SH3RF3: variants seen among roughly 807,000 people sequenced by gnomAD.
SH3RF3 encodes SH3 domain containing ring finger 3.
SH3RF3 carries 29 observed loss-of-function variants against 66.3 expected under a neutral mutation model. The ratio of observed to expected loss-of-function variants is 0.44; its 90% confidence interval spans 0.33 to 0.60. SH3RF3 has a LOEUF of 0.60. Ranked by LOEUF, SH3RF3 falls within the 20% of genes least tolerant of loss-of-function variation. The pLI is 0.04. For synonymous variants in SH3RF3, 583 were observed against 532.0 expected, an observed-to-expected ratio of 1.10 and a Z score of -1.32; for missense variants, 1,194 against 1,190.9, an observed-to-expected ratio of 1.00 and a Z score of -0.04.
At chr2:109,496,557 A>G (rs1238224732) in intron 9 of SH3RF3, among the ~76,000 whole-genome samples, 2 of 152,238 alleles carry the variant, frequency 1.3e-5, no homozygotes, top group African/African-American at 4.8e-5. Flanking sequence ...CACCTGCAGC[A>G]CGGCCTGGCC....
intron 3 of SH3RF3, among the ~76,000 whole-genome samples, chr2:109,376,996 C>T (rs1683403318): frequency 6.6e-6 from 1 of 152,258 alleles, no homozygotes; most frequent in Non-Finnish European, 1.5e-5. Flanking sequence ...ATACCCCAGA[C>T]AGGTCTGCTT....
At chr2:109,221,723 C>T (rs886310883) in intron 1 of SH3RF3, among the ~76,000 whole-genome samples, 7 of 151,636 alleles carry the variant, frequency 4.6e-5, no homozygotes, top group East Asian at 1.9e-4. Flanking sequence ...GGATTAAGGA[C>T]GTGGAGAAAA....
intron 1 of SH3RF3, chr2:109,251,721 G>C: frequency 6.7e-6 from 5 of 742,026 alleles, no homozygotes; most frequent in Non-Finnish European, 1.1e-5. Flanking sequence ...GTAAAAATTA[G>C]GTCGTGTACA....
chr2:109,131,937 G>A (rs1676706377), intron 1 of SH3RF3, among the ~76,000 whole-genome samples: 1 of 152,200 alleles, frequency 6.6e-6, no homozygotes, highest in African/African-American at 2.4e-5. Flanking sequence ...ATACTACCAT[G>A]CTGGGATAAT....
chr2:109,261,553 CACAA>C (rs1202371940), intron 1 of SH3RF3, among the ~76,000 whole-genome samples: 1 of 152,132 alleles, frequency 6.6e-6, no homozygotes, highest in Non-Finnish European at 1.5e-5. Flanking sequence ...CAGGGACAAA[CACAA>C]ACAAGTGCAT....
chr2:109,437,081 C>T lies in SH3RF3; in HGVS notation c.1763C>T (p.Thr588Ile), dbSNP rs759606149. 9.3e-6 allele frequency: 15 copies of T among 1,613,712 alleles called. No individual in the cohort carries two copies. Among genetic ancestry groups the T allele is most frequent in the Non-Finnish European group, 1.3e-5 (15 of 1,179,842 alleles). ...HAQHPTASPP[T>I]GSCLRHSAQP... ...CAGCACCCCACAGCCTCGCCCCCAACAGGCAGCTGTCTACGGCACTCAGCC... is the reference window on the plus strand; with the variant it reads ...CAGCACCCCACAGCCTCGCCCCCAATAGGCAGCTGTCTACGGCACTCAGCC... The change falls in exon 7 of 10, where the codon ACA becomes ATA. Residue 588 changes from threonine (T) to isoleucine (I), a missense_variant. By Grantham distance (89) the Thr-to-Ile change is moderately conservative (BLOSUM62 -1). Transcript: ENST00000309415.
intron 2 of SH3RF3, among the ~76,000 whole-genome samples, chr2:109,359,944 T>C (rs963211188): frequency 1.3e-5 from 2 of 152,116 alleles, no homozygotes; most frequent in African/African-American, 4.8e-5. Context: ...TCTATGACCA[T>C]TGTTGATGAG....
At chr2:109,376,483 T>A (rs1358720509) in intron 3 of SH3RF3, among the ~76,000 whole-genome samples, 1 of 152,138 alleles carries the variant, frequency 6.6e-6, no homozygotes, top group African/African-American at 2.4e-5. Flanking sequence ...ACGCCAGTGA[T>A]TCTCGTCTGC....
chr2:109,222,785 T>A lies in SH3RF3; in HGVS notation c.573+92672T>A, dbSNP rs1325951963. Reference sequence around the variant, plus strand: ...GGTGGTCTGCCTAAGGACTTTTTGGTTTGCTAAAAGACAAAACAAAACACA... The same window carrying A: ...GGTGGTCTGCCTAAGGACTTTTTGGATTGCTAAAAGACAAAACAAAACACA... On this transcript the variant is annotated intron_variant, in intron 1 of 9. Transcript: ENST00000309415. 2.0e-5 allele frequency among the ~76,000 whole-genome samples: 3 copies of A among 152,346 alleles called. No individual in the cohort carries two copies. The East Asian group carries it at 5.8e-4, about 29-fold the overall frequency.
At chr2:109,139,225 T>G (rs1676882256) in intron 1 of SH3RF3, among the ~76,000 whole-genome samples, 1 of 152,230 alleles carries the variant, frequency 6.6e-6, no homozygotes, top group South Asian at 2.1e-4. Context: ...CCAGATGTGT[T>G]TGCATGAGAA....
chr2:109,366,490 G>A (rs1355044948), intron 2 of SH3RF3, among the ~76,000 whole-genome samples: 2 of 151,884 alleles, frequency 1.3e-5, no homozygotes, highest in African/African-American at 4.8e-5. Flanking sequence ...GCATATATAC[G>A]TTTATGCACG....
intron 8 of SH3RF3, among the ~76,000 whole-genome samples, chr2:109,467,297 C>T (rs1284420051): frequency 6.6e-6 from 1 of 152,222 alleles, no homozygotes; most frequent in Non-Finnish European, 1.5e-5. Flanking sequence ...AGGGGCACCA[C>T]CCAGCAAGAA....
At chr2:109,187,500 A>G (rs2105008245) in intron 1 of SH3RF3, among the ~76,000 whole-genome samples, 1 of 152,286 alleles carries the variant, frequency 6.6e-6, no homozygotes, top group Admixed American at 6.5e-5. Context: ...TTATATCTTT[A>G]CTGTACCTTC....
rs150932700 is a variant in SH3RF3 at position 109,242,706 on chromosome 2, C to G, written c.574-104968C>G. ...GACAGTCAGGACACATTTCGTGAGC[C>G]CTGGTCTGGGCTCAGAGGTTTGGAG... On this transcript the variant is annotated intron_variant, in intron 1 of 9. Transcript: ENST00000309415. 1.1e-3 allele frequency among the ~76,000 whole-genome samples: 168 copies of G among 152,272 alleles called. 1 individual carries two copies. Among genetic ancestry groups the G allele is most frequent in the African/African-American group, 3.8e-3 (159 of 41,540 alleles).
At chr2:109,237,234 G>A (rs562698490) in intron 1 of SH3RF3, among the ~76,000 whole-genome samples, 1 of 152,270 alleles carries the variant, frequency 6.6e-6, no homozygotes, top group Admixed American at 6.5e-5. Flanking sequence ...AGCAAAGAAT[G>A]TATAGAAATA....
chr2:109,434,836 G>A (rs1397378761), intron 6 of SH3RF3, among the ~76,000 whole-genome samples: 1 of 152,236 alleles, frequency 6.6e-6, no homozygotes, highest in Non-Finnish European at 1.5e-5. Context: ...TATACGAGGT[G>A]CTCAATAAAT....
chr2:109,424,069 C>A lies in SH3RF3; in HGVS notation c.1403+4427C>A, dbSNP rs535809341. On this transcript the variant is annotated intron_variant, in intron 5 of 9. Coordinates refer to ENST00000309415, the MANE Select transcript of SH3RF3 (RefSeq NM_001099289.3). Reference sequence around the variant, plus strand: ...CCTGGTGGTGGCAGCACATCCCCACCGGTACCGGCATTGTCTAGGCTGGGT... The same window carrying A: ...CCTGGTGGTGGCAGCACATCCCCACAGGTACCGGCATTGTCTAGGCTGGGT... 3.9e-5 allele frequency among the ~76,000 whole-genome samples: 6 copies of A among 152,190 alleles called. No homozygotes were observed. In the East Asian group the frequency reaches 1.2e-3, roughly 29 times the overall value.
Position 109,374,175 on chromosome 2 carries a change from G to A in SH3RF3, c.945+2494G>A, listed in dbSNP as rs575507771. ...CAGTCCCTTCCACCCACCTGGATAG[G>A]AAGCCCTGGACTGTCCTTCAGGCTC... On this transcript the variant is annotated intron_variant, in intron 3 of 9. Coordinates refer to ENST00000309415, the MANE Select transcript of SH3RF3 (RefSeq NM_001099289.3). Among the ~76,000 whole-genome samples, 324 of 152,264 alleles carry A rather than the reference G, an allele frequency of 2.1e-3. 1 individual carries two copies. Among genetic ancestry groups the A allele is most frequent in the Non-Finnish European group, 1.9e-3 (129 of 68,002 alleles).
rs1677031027 is a variant in SH3RF3 at position 109,144,054 on chromosome 2, G to A, written c.573+13941G>A. 2.0e-5 allele frequency among the ~76,000 whole-genome samples: 3 copies of A among 152,152 alleles called. No individual in the cohort carries two copies. The South Asian group carries it at 6.2e-4, about 32-fold the overall frequency. On this transcript the variant is annotated intron_variant, in intron 1 of 9. Coordinates refer to ENST00000309415, the MANE Select transcript of SH3RF3 (RefSeq NM_001099289.3). ...GTGGTTACGAGGCGCCGGAAGTGTG[G>A]GAAGAGGAGATACTTGTCAAAGAGT...
Sources: gnomAD v4.1 joint callset for allele counts (sites outside exome capture counted in the v4.1 genomes callset) on GRCh38, gnomAD v4.1.1 for gene constraint, MANE v1.5 for transcripts, NCBI Gene and HGNC (gene_info 2026-07-23, HGNC 2026-07-21) for gene names.